Variants in NR5A2 observed in about 807,000 individuals in gnomAD.
The protein encoded by NR5A2 is CYP7A promoter-binding factor.
A neutral mutation model predicts 62.7 loss-of-function variants in NR5A2; 26 were observed. The ratio of observed to expected loss-of-function variants is 0.41; its 90% CI spans 0.30 to 0.58. The LOEUF (loss-of-function observed/expected upper bound fraction) is 0.58. Among genes scored for constraint, NR5A2 ranks in the 20% least tolerant of loss-of-function variants. NR5A2 has a pLI of 0.22. For missense variants in NR5A2, 541 were observed against 669.1 expected (o/e 0.81, Z 2.11); for synonymous variants, 246 against 241.7 (o/e 1.02, Z -0.16).
chr1:200,063,130 TCTC>T (rs535137207), intron 5 of NR5A2, among the ~76,000 whole-genome samples: 1 of 151,976 alleles, frequency 6.6e-6, no homozygotes, highest in Non-Finnish European at 1.5e-5. Flanking sequence ...TTCAAGCAAT[TCTC>T]CTGCCTCAGC....
chr1:200,043,678 A>G (rs570595374), intron 2 of NR5A2, 96 bp from the exon 3 acceptor site: 1 of 676,456 alleles, frequency 1.5e-6, no homozygotes, highest in South Asian at 2.3e-5. Context: ...ACCATGTGAT[A>G]TTTGCCCAGC....
chr1:200,147,936 G>A lies in NR5A2; in HGVS notation c.1379-26027G>A, dbSNP rs1667790553. 2.8e-6 allele frequency: 1 copy of A among 357,820 alleles called. No homozygotes were observed. The highest frequency in any genetic ancestry group is 5.2e-6 in the Non-Finnish European group (1 of 191,850). 22.2% of individuals were successfully genotyped at this position (357,820 alleles called of 1,614,324 possible). ...CTGTGATGTGGTGCAGCGCTTCGCC[G>A]GTGTTGGTGTTGCCCTGTGGTAGGC... is the stretch of plus-strand genomic sequence containing the variant. On this transcript the variant is annotated intron_variant, in intron 7 of 7. Transcript: ENST00000367362. The surrounding 1 kb of genome is among the most constrained non-coding windows in gnomAD (Gnocchi z 4.9).
At chr1:200,126,204 G>A (rs934392727) in intron 7 of NR5A2, among the ~76,000 whole-genome samples, 2 of 152,126 alleles carry the variant, frequency 1.3e-5, no homozygotes, top group African/African-American at 2.4e-5. Context: ...GTATTTCTAA[G>A]GCAGAGCAGA....
At chr1:200,061,424 G>A (rs532585506) in intron 5 of NR5A2, among the ~76,000 whole-genome samples, 4 of 151,812 alleles carry the variant, frequency 2.6e-5, no homozygotes, top group South Asian at 2.1e-4. Context: ...AATTACAGGC[G>A]TATACCACCA....
rs7528089 is a variant in NR5A2, at chr1:200,053,659, G to A, written c.1110+4841G>A. On this transcript the variant is annotated intron_variant, in intron 5 of 7. Coordinates refer to ENST00000367362, the MANE Select transcript of NR5A2 (RefSeq NM_205860.3). ...AAGAAAACAGTCCTTTGCCAGTGAAGCTAAAGCAAATCTCTAGGTTATCAG... is the reference window on the plus strand; with the variant it reads ...AAGAAAACAGTCCTTTGCCAGTGAAACTAAAGCAAATCTCTAGGTTATCAG... Among the ~76,000 whole-genome samples, 1,037 of 151,742 alleles carry A rather than the reference G, an allele frequency of 6.8e-3. 15 individuals carry two copies. The highest frequency in any genetic ancestry group is 0.024 in the African/African-American group (987 of 41,336).
intron 7 of NR5A2, among the ~76,000 whole-genome samples, chr1:200,168,567 AGT>A (rs1654021740): frequency 6.6e-6 from 1 of 152,134 alleles, no homozygotes; most frequent in East Asian, 1.9e-4. Flanking sequence ...CTCTTGGGTT[AGT>A]GTGTGTGCAT....
chr1:200,129,665 G>C (rs1431987110), intron 7 of NR5A2, among the ~76,000 whole-genome samples: 3 of 152,238 alleles, frequency 2.0e-5, no homozygotes, highest in Non-Finnish European at 4.4e-5. Context: ...GTGTGAACTC[G>C]TTGCTTTAAC....
At chr1:200,112,794 G>C (rs992604619) in intron 6 of NR5A2, among the ~76,000 whole-genome samples, 8 of 152,172 alleles carry the variant, frequency 5.3e-5, no homozygotes, top group African/African-American at 1.9e-4. Flanking sequence ...CCCATTTTCA[G>C]AGTCTAATCA....
At chr1:200,065,359 G>T (rs1222375420) in intron 5 of NR5A2, among the ~76,000 whole-genome samples, 2 of 151,706 alleles carry the variant, frequency 1.3e-5, no homozygotes, top group African/African-American at 4.8e-5. Flanking sequence ...AGCCAGGCTG[G>T]TCTCTAACTC....
At chr1:200,079,683 T>C (rs1368785504) in intron 5 of NR5A2, among the ~76,000 whole-genome samples, 1 of 152,210 alleles carries the variant, frequency 6.6e-6, no homozygotes, top group African/African-American at 2.4e-5. Context: ...CTCCCATACA[T>C]AAAAATTTTG....
chr1:200,034,629 C>G (rs1487442297), intron 1 of NR5A2, among the ~76,000 whole-genome samples: 1 of 151,620 alleles, frequency 6.6e-6, no homozygotes, highest in Admixed American at 6.6e-5. Context: ...GTTGGATTAC[C>G]CAGATAATTG....
intron 5 of NR5A2, among the ~76,000 whole-genome samples, chr1:200,053,101 T>C (rs955403813): frequency 2.0e-5 from 3 of 151,906 alleles, no homozygotes; most frequent in Non-Finnish European, 4.4e-5. Flanking sequence ...GGTATTCTGG[T>C]TTTCATTCAA....
chr1:200,167,833 G>A (rs1571585762), intron 7 of NR5A2, among the ~76,000 whole-genome samples: 1 of 152,110 alleles, frequency 6.6e-6, no homozygotes. Flanking sequence ...TCTCTTCCAC[G>A]CGTTGCTCAG....
In NR5A2 at chr1:200,147,588, G is replaced by C; in HGVS notation, c.1379-26375G>C. 1 of 716,862 alleles carries C rather than the reference G, an allele frequency of 1.4e-6. No individual in the cohort carries two copies. Among genetic ancestry groups the C allele is most frequent in the Non-Finnish European group, 2.6e-6 (1 of 386,606 alleles). 44.4% of individuals were successfully genotyped at this position (716,862 alleles called of 1,614,324 possible). On this transcript the variant is annotated intron_variant, in intron 7 of 7. Transcript: ENST00000367362. This position sits in a 1 kb window ranked among gnomAD's most constrained non-coding sequence, Gnocchi z 4.9. ...TTAAAGCGATCTCCTCTACACGAAC[G>C]CTAGGGCAGAGCACATTTTCGCACA...
intron 5 of NR5A2, among the ~76,000 whole-genome samples, chr1:200,074,784 TTTAA>T (rs1322597134): frequency 9.6e-6 from 1 of 104,382 alleles, no homozygotes; most frequent in Non-Finnish European, 2.0e-5. Context: ...TCTCAAACAC[TTTAA>T]TTTTTTTTTT....
intron 5 of NR5A2, among the ~76,000 whole-genome samples, chr1:200,054,616 G>C (rs1399315121): frequency 6.6e-6 from 1 of 152,038 alleles, no homozygotes; most frequent in East Asian, 1.9e-4. Context: ...GTGGAAAATA[G>C]GTCTCAGAGA....
At chr1:200,124,301 A>G (rs1197480517) in intron 7 of NR5A2, among the ~76,000 whole-genome samples, 1 of 152,210 alleles carries the variant, frequency 6.6e-6, no homozygotes, top group African/African-American at 2.4e-5. Flanking sequence ...TCCCAATAGC[A>G]GTCATCACTT....
Position 200,174,164 on chromosome 1 carries a change from C to CCAAAGAG in NR5A2, c.1581_1582insAAAGAGC (p.Tyr528LysfsTer4). 1 of 1,611,254 alleles carries CCAAAGAG rather than the reference C, an allele frequency of 6.2e-7. No individual in the cohort carries two copies. ...TACAAGCACCTGAACGGGGATGTGCCCTATAATAACCTTCTCATTGAAATG... is the reference window on the plus strand; with the variant it reads ...TACAAGCACCTGAACGGGGATGTGCCCAAAGAGCTATAATAACCTTCTCATTGAAATG... On this transcript the variant is annotated frameshift_variant, in exon 8 of 8. Coordinates refer to ENST00000367362, the MANE Select transcript of NR5A2 (RefSeq NM_205860.3). LOFTEE classifies it high-confidence loss of function.
intron 7 of NR5A2, among the ~76,000 whole-genome samples, chr1:200,134,123 G>C (rs1174445232): frequency 6.6e-6 from 1 of 152,204 alleles, no homozygotes; most frequent in South Asian, 2.1e-4. Context: ...GAGTCAAAAA[G>C]CTTAAAGAAA....
Sources: gnomAD v4.1 joint callset for allele counts (sites outside exome capture counted in the v4.1 genomes callset) on GRCh38, gnomAD v4.1.1 for gene constraint, Gnocchi (gnomAD v3.1) non-coding constraint, MANE v1.5 for transcripts, NCBI Gene and HGNC (gene_info 2026-07-23, HGNC 2026-07-21) for gene names.